Variants in TENM1 observed in about 807,000 individuals in gnomAD.
The protein encoded by TENM1 is teneurin-1.
Under a neutral mutation model 174.8 loss-of-function variants are expected in TENM1, and 35 were observed. The ratio of observed to expected loss-of-function variants is 0.20; its 90% CI spans 0.15 to 0.27. TENM1 has a LOEUF of 0.27. TENM1 is among the 10% of genes least tolerant of loss of function. TENM1 has a pLI of 1.00. For synonymous variants in TENM1, 781 were observed against 798.7 expected (o/e 0.98, Z 0.37); for missense variants, 1,633 against 2,130.1 (o/e 0.77, Z 4.59).
At chrX:125,123,424 A>AAAAATAAAATAAAATAAAAT in the TENM1 span, among the ~76,000 whole-genome samples, 385 of 94,996 alleles carry the variant, frequency 4.1e-3, 3 homozygotes, top group African/African-American at 0.014. Flanking sequence ...ATCTCTACAA[A>AAAAATAAAATAAAATAAAAT]AAAATAAAAT....
chrX:124,931,891 ACACACACGTACACG>A (rs1183753594), intron 1 of TENM1, among the ~76,000 whole-genome samples: 2 of 110,494 alleles, frequency 1.8e-5, no homozygotes, highest in Non-Finnish European at 3.8e-5. Flanking sequence ...ACACACACAC[ACACACACGTACACG>A]CACACACACC....
intron 22 of TENM1, among the ~76,000 whole-genome samples, chrX:124,471,734 C>A (rs1326526353): frequency 1.1e-5 from 1 of 89,597 alleles, no homozygotes; most frequent in African/African-American, 4.2e-5. Flanking sequence ...ATATAATATA[C>A]AATATAGAGT....
chrX:124,948,549 G>A (rs754985019), intron 1 of TENM1, among the ~76,000 whole-genome samples: 5 of 112,358 alleles, frequency 4.5e-5, no homozygotes, highest in African/African-American at 9.7e-5. Flanking sequence ...TATTTTTGTT[G>A]TTGTTGTTGT....
At chrX:124,877,820 A>G (rs1394206247) in intron 3 of TENM1, among the ~76,000 whole-genome samples, 8 of 111,827 alleles carry the variant, frequency 7.2e-5, no homozygotes, top group Non-Finnish European at 1.5e-4. Context: ...TGTTGAGTGG[A>G]AGACTTGCCA....
At chrX:125,108,284 ACT>A in the TENM1 span, among the ~76,000 whole-genome samples, 1 of 111,352 alleles carries the variant, frequency 9.0e-6, no homozygotes, top group Admixed American at 9.6e-5. Flanking sequence ...ATGTTCATTG[ACT>A]CTGCGGTCCT....
intron 3 of TENM1, among the ~76,000 whole-genome samples, chrX:124,846,125 T>C (rs951702533): frequency 2.7e-5 from 3 of 109,769 alleles, no homozygotes; most frequent in Non-Finnish European, 5.7e-5. Flanking sequence ...TTGCCCATGA[T>C]ACAACGCAGG....
chrX:124,472,588 T>G (rs780082062), intron 22 of TENM1, among the ~76,000 whole-genome samples: 1 of 111,016 alleles, frequency 9.0e-6, no homozygotes. Flanking sequence ...TTTTAGCCTG[T>G]GACAGTGTTA....
At chrX:124,896,055 C>T in exon 2 of TENM1, 3 of 1,211,533 alleles carry the variant, frequency 2.5e-6, no homozygotes, top group South Asian at 1.8e-5. Context: ...GCTGGACAAA[C>T]AGGAACTATG....
intron 27 of TENM1, among the ~76,000 whole-genome samples, chrX:124,396,010 GT>G (rs2060329170): frequency 9.0e-6 from 1 of 111,582 alleles, no homozygotes; most frequent in Non-Finnish European, 1.9e-5. Flanking sequence ...AGGGATCACT[GT>G]TTAAAATCCA....
At chrX:124,685,561 G>GTTTTTTTTTTTTTTT (rs201481902) in intron 5 of TENM1, among the ~76,000 whole-genome samples, 21 of 94,474 alleles carry the variant, frequency 2.2e-4, no homozygotes, top group Non-Finnish European at 3.0e-4. Flanking sequence ...AAGCAAATCT[G>GTTTTTTTTTTTTTTT]TTTTTTTTTT....
chrX:124,971,246 T>C, the TENM1 span, among the ~76,000 whole-genome samples: 1 of 110,297 alleles, frequency 9.1e-6, no homozygotes, highest in East Asian at 2.9e-4. Flanking sequence ...GCAACAAACC[T>C]GCACGTTGTG....
At chrX:124,631,320 G>T (rs925983125) in intron 11 of TENM1, among the ~76,000 whole-genome samples, 15 of 111,103 alleles carry the variant, frequency 1.4e-4, no homozygotes, top group Non-Finnish European at 2.8e-4. Context: ...TAATAAAAGG[G>T]TTAAACATTA....
exon 4 of TENM1, chrX:124,737,123 T>C: frequency 2.5e-6 from 3 of 1,209,799 alleles, no homozygotes; most frequent in Non-Finnish European, 3.4e-6. Flanking sequence ...CTGGCACAGG[T>C]GCAGGCATGA....
chrX:124,910,416 C>T (rs1402608498), intron 1 of TENM1, among the ~76,000 whole-genome samples: 5 of 111,987 alleles, frequency 4.5e-5, no homozygotes, highest in African/African-American at 6.5e-5. Context: ...GCAGGTAAAA[C>T]AATCTATGAG....
intron 5 of TENM1, among the ~76,000 whole-genome samples, chrX:124,681,848 C>T (rs2052243036): frequency 9.0e-6 from 1 of 111,632 alleles, no homozygotes; most frequent in Non-Finnish European, 1.9e-5. Flanking sequence ...ATACTAAATG[C>T]CCAATAAAGG....
chrX:124,877,398 C>T (rs2057224259), intron 3 of TENM1, among the ~76,000 whole-genome samples: 1 of 111,973 alleles, frequency 8.9e-6, no homozygotes, highest in Non-Finnish European at 1.9e-5. Flanking sequence ...TCCATTGGTT[C>T]CTAACAGTGC....
At chrX:124,818,116 T>A (rs1172898858) in intron 3 of TENM1, among the ~76,000 whole-genome samples, 2 of 111,046 alleles carry the variant, frequency 1.8e-5, no homozygotes, top group Non-Finnish European at 3.8e-5. Flanking sequence ...AACCAGAAAA[T>A]TCAATTAATT....
chrX:124,739,032 G>T (rs2053742013), intron 3 of TENM1, among the ~76,000 whole-genome samples: 1 of 111,736 alleles, frequency 8.9e-6, no homozygotes, highest in Non-Finnish European at 1.9e-5. Flanking sequence ...TATTACGTCT[G>T]CTTTTCTCTT....
chrX:125,041,299 T>C, the TENM1 span, among the ~76,000 whole-genome samples: 16 of 111,084 alleles, frequency 1.4e-4, no homozygotes, highest in Admixed American at 1.2e-3. Flanking sequence ...ATCCAATGGA[T>C]ACAAAGATCC....
Sources: allele counts gnomAD v4.1 joint callset (sites outside exome capture counted in the v4.1 genomes callset), GRCh38; gene constraint gnomAD v4.1.1; transcripts MANE v1.5; gene names NCBI Gene and HGNC (gene_info 2026-07-23, HGNC 2026-07-21).